Variants in SLC25A23 observed in about 807,000 individuals in gnomAD.
The protein encoded by SLC25A23 is solute carrier family 25 member 23.
In SLC25A23, 32 loss-of-function variants were observed where a neutral mutation model predicts 53.9. The observed-to-expected ratio is 0.59, with a 90% CI of 0.45 to 0.80. SLC25A23 has a LOEUF of 0.80. Among genes scored for constraint, SLC25A23 ranks in the 30% least tolerant of loss-of-function variants. SLC25A23 has a pLI of 0.00. For missense variants in SLC25A23, 575 were observed against 651.4 expected, an observed-to-expected ratio of 0.88 and a Z score of 1.28; for synonymous variants, 275 against 264.5, an observed-to-expected ratio of 1.04 and a Z score of -0.38.
In SLC25A23 at chr19:6,444,328, G is replaced by A. The variant is rs747531091; in HGVS notation, c.1072-27C>T. The A allele has an allele frequency of 4.4e-6, 4 of 914,066 alleles. No individual in the cohort carries two copies. The Admixed American group carries it at 7.7e-5, about 17-fold the overall frequency. 56.6% of individuals were successfully genotyped at this position (914,066 alleles called of 1,614,324 possible). A position where few individuals can be genotyped will look rare whatever the true frequency, so the allele number is the denominator to read the frequency against. ...TGGAGTGGAGAAGGGAGTAGGGAGG[G>A]TTGGGGTGGGTGACCCTAGGACCCT... On this transcript the variant is annotated intron_variant, in intron 8 of 9. Coordinates refer to ENST00000301454, the MANE Select transcript of SLC25A23 (RefSeq NM_024103.3).
rs374703723 is a variant in SLC25A23 at position 6,442,075 on chromosome 19, C to T, written c.1307G>A (p.Arg436Gln). Residue 436 changes from arginine to glutamine, a missense_variant, in exon 10 of 10, where the codon CGG becomes CAG. Arg to Gln is a conservative substitution (Grantham distance 43, BLOSUM62 1). Transcript: ENST00000301454. ...LSQEGMRGLY[R>Q]GIAPNFMKVI... ...CTTCATGAAGTTGGGGGCGATCCCCCGGTAGAGGCCCCGCATGCCCTCCTG... is the reference window on the plus strand; with the variant it reads ...CTTCATGAAGTTGGGGGCGATCCCCTGGTAGAGGCCCCGCATGCCCTCCTG... 2.1e-5 allele frequency: 33 copies of T among 1,576,688 alleles called. No individual in the cohort carries two copies. The highest frequency in any genetic ancestry group is 2.5e-5 in the Non-Finnish European group (29 of 1,157,526).
rs764141860 is a variant in SLC25A23, at chr19:6,452,360, G to A, written c.1023C>T (p.Asn341=). 2.5e-6 allele frequency: 4 copies of A among 1,613,624 alleles called. No individual in the cohort carries two copies. Among genetic ancestry groups the A allele is most frequent in the African/African-American group, 1.3e-5 (1 of 74,906 alleles). ...CCGCATAGGGGATGATGCCCAGCAC[G>A]TTGGGGAGGTAGCCGCGGTAGAAGG... ...PRAFYRGYLP[N]VLGIIPYAGI... is the part of the protein sequence containing the mutation. The change falls in exon 8 of 10, where the codon AAC becomes AAT. Residue 341 remains asparagine, a synonymous_variant. Coordinates refer to ENST00000301454, the MANE Select transcript of SLC25A23 (RefSeq NM_024103.3).
chr19:6,447,710 G>A (rs752756704), intron 8 of SLC25A23, among the ~76,000 whole-genome samples: 4 of 149,730 alleles, frequency 2.7e-5, no homozygotes, highest in Non-Finnish European at 5.9e-5. Flanking sequence ...TCGTTCTGTC[G>A]CCCAGGCTGG....
At chr19:6,437,462 A>C (rs887957253), downstream of SLC25A23, among the ~76,000 whole-genome samples, 1 of 152,186 alleles carries the variant, frequency 6.6e-6, no homozygotes, top group Non-Finnish European at 1.5e-5. Flanking sequence ...AATTAAAATG[A>C]GGTTACACTG....
At chr19:6,436,529 C>T (rs2092319507), downstream of SLC25A23, 2 of 427,770 alleles carry the variant, frequency 4.7e-6, no homozygotes, top group Non-Finnish European at 9.2e-6. Flanking sequence ...AACCAATAAC[C>T]AGGATGGCAG....
rs1231431979 is a variant in SLC25A23, at chr19:6,441,964, C to T, written c.*11G>A. Reference sequence around the variant, plus strand: ...GGGGGTGAGGGATTGGGGGGACGGGCTCCGGGTCCCTCACCTGGACGTGAC... The same window carrying T: ...GGGGGTGAGGGATTGGGGGGACGGGTTCCGGGTCCCTCACCTGGACGTGAC... On this transcript the variant is annotated 3_prime_UTR_variant, in exon 10 of 10. Coordinates refer to ENST00000301454, the MANE Select transcript of SLC25A23 (RefSeq NM_024103.3). The T allele has an allele frequency of 1.2e-6, 2 of 1,612,796 alleles. No homozygotes were observed. Among genetic ancestry groups the T allele is most frequent in the Admixed American group, 3.3e-5 (2 of 59,958 alleles).
intron 8 of SLC25A23, among the ~76,000 whole-genome samples, chr19:6,451,544 G>C (rs1052239104): frequency 6.6e-6 from 1 of 152,170 alleles, no homozygotes; most frequent in South Asian, 2.1e-4. Flanking sequence ...ATTTTGGGGG[G>C]AACGCTTGGG....
At position 6,445,145 on chromosome 19, in the gene SLC25A23, C is replaced by T. The variant is rs141479460; in HGVS notation, c.1072-844G>A. 8.1e-3 allele frequency among the ~76,000 whole-genome samples: 1,164 copies of T among 142,840 alleles called. 11 individuals carry two copies. Among genetic ancestry groups the T allele is most frequent in the Non-Finnish European group, 0.011 (705 of 65,244 alleles). The allele number at this position is 142,840 out of a possible 152,430, so 93.7% of individuals were successfully genotyped here. ...TTTTTCAGAGACGGAGTTTCGTTCT[C>T]GTTGCCCAGGCAGGAGTGCAATGGT... On this transcript the variant is annotated intron_variant, in intron 8 of 9. Coordinates refer to ENST00000301454, the MANE Select transcript of SLC25A23 (RefSeq NM_024103.3).
chr19:6,441,201 TA>T lies in SLC25A23; in HGVS notation c.*773del, dbSNP rs201786094. On this transcript the variant is annotated 3_prime_UTR_variant, in exon 10 of 10. Coordinates refer to ENST00000301454, the MANE Select transcript of SLC25A23 (RefSeq NM_024103.3). The stretch of plus-strand genomic sequence containing the variant: ...AGGATCTGAGACCCAGTGTCGAGGT[TA>T]AAAAAAAACAAAAAACCAAAAACCA... 1.3e-5 allele frequency: 2 copies of T among 150,282 alleles called. No individual in the cohort carries two copies. Among genetic ancestry groups the T allele is most frequent in the Non-Finnish European group, 3.0e-5 (2 of 67,484 alleles). 9.3% of individuals were successfully genotyped at this position (150,282 alleles called of 1,614,324 possible). A position where few individuals can be genotyped will look rare whatever the true frequency, so the allele number is the denominator to read the frequency against.
chr19:6,459,697 C>T lies in SLC25A23; in HGVS notation c.-69G>A, dbSNP rs933988593. ...CAGTGGGGGCTTCGCGGCTCCCCCT[C>T]CCCCCCCGGGACCCCGCAGGGTCAG... On this transcript the variant is annotated 5_prime_UTR_variant, in exon 1 of 10. Coordinates refer to ENST00000301454, the MANE Select transcript of SLC25A23 (RefSeq NM_024103.3). The surrounding 1 kb of genome is among the most constrained non-coding windows in gnomAD (Gnocchi z 4.6). The T allele has an allele frequency of 7.9e-6, 9 of 1,135,540 alleles. No homozygotes were observed. In the East Asian group the frequency reaches 1.1e-4, roughly 14 times the overall value. 70.3% of individuals were successfully genotyped at this position (1,135,540 alleles called of 1,614,324 possible). A position where few individuals can be genotyped will look rare whatever the true frequency, so the allele number is the denominator to read the frequency against.
chr19:6,441,916 C>T lies in SLC25A23; in HGVS notation c.*59G>A. On this transcript the variant is annotated 3_prime_UTR_variant, in exon 10 of 10. Transcript: ENST00000301454. ...AGTAGGGATCCTGTGGTTGGATCAT[C>T]AGTCTCCAGTGGCTGAGGTGTGGGG... 1.3e-6 allele frequency: 2 copies of T among 1,517,348 alleles called. No homozygotes were observed. The highest frequency in any genetic ancestry group is 1.8e-6 in the Non-Finnish European group (2 of 1,101,388). The allele number at this position is 1,517,348 out of a possible 1,614,324, so 94.0% of individuals were successfully genotyped here.
intron 4 of SLC25A23, chr19:6,456,203 G>T: frequency 1.7e-6 from 2 of 1,183,532 alleles, no homozygotes; most frequent in Non-Finnish European, 2.3e-6. Flanking sequence ...AGTCTCAAGG[G>T]CTGCGCTTCA....
chr19:6,445,262 T>C (rs2092486540), intron 8 of SLC25A23, among the ~76,000 whole-genome samples: 1 of 152,102 alleles, frequency 6.6e-6, no homozygotes, highest in South Asian at 2.1e-4. Flanking sequence ...GCGTGTGCCA[T>C]CACGCCCAGC....
rs1332093505 is a variant in SLC25A23, at chr19:6,456,494, C to G, written c.409G>C (p.Glu137Gln). ...TGCAACAGGAAGTGGTCGCGCCATT[C>G]TTGCCAGTCAATGGTCATTGTGCCG... ...RDGTMTIDWQ[E>Q]WRDHFLLHSL... The change falls in exon 4 of 10, where the codon GAA becomes CAA. Residue 137 changes from glutamate to glutamine, a missense_variant. Physicochemically the swap from Glu to Gln is conservative, Grantham distance 29. Transcript: ENST00000301454. The G allele has an allele frequency of 4.3e-6, 7 of 1,613,778 alleles. No individual in the cohort carries two copies. In the South Asian group the frequency reaches 6.6e-5, roughly 15 times the overall value.
Position 6,454,702 on chromosome 19 carries a change from C to G in SLC25A23, c.499G>C (p.Glu167Gln). The stretch of plus-strand genomic sequence containing the variant: ...AACTCGTCCGGCACTGTCAGGCACT[C>G]GCCAATGTCCAGGACCTAAAGATAC... ...WKHSTVLDIG[E>Q]CLTVPDEFSK... The change falls in exon 5 of 10, where the codon GAG (glutamate) becomes CAG (glutamine). Residue 167 changes from glutamate (E) to glutamine (Q), a missense_variant. Glu to Gln is a conservative substitution (Grantham distance 29, BLOSUM62 2). Coordinates refer to ENST00000301454, the MANE Select transcript of SLC25A23 (RefSeq NM_024103.3). The surrounding 1 kb of genome is among the most constrained non-coding windows in gnomAD (Gnocchi z 4.3). 1 of 1,613,954 alleles carries G rather than the reference C, an allele frequency of 6.2e-7. No individual in the cohort carries two copies. The highest frequency in any genetic ancestry group is 8.5e-7 in the Non-Finnish European group (1 of 1,180,002).
chr19:6,454,233 A>G lies in SLC25A23; in HGVS notation c.795+90T>C. The G allele has an allele frequency of 6.5e-7, 1 of 1,538,442 alleles. No individual in the cohort carries two copies. The highest frequency in any genetic ancestry group is 8.8e-7 in the Non-Finnish European group (1 of 1,137,208). Reference sequence around the variant, plus strand: ...TGCCTGATCCTGGGGACCTGTGTTCACCACCCACCCCCAAGCCAATCCCGT... The same window carrying G: ...TGCCTGATCCTGGGGACCTGTGTTCGCCACCCACCCCCAAGCCAATCCCGT... On this transcript the variant is annotated intron_variant, in intron 6 of 9. Coordinates refer to ENST00000301454, the MANE Select transcript of SLC25A23 (RefSeq NM_024103.3). The surrounding 1 kb of genome is among the most constrained non-coding windows in gnomAD (Gnocchi z 4.3).
At position 6,441,494 on chromosome 19, in the gene SLC25A23, G is replaced by A. The variant is rs921847239; in HGVS notation, c.*481C>T. The A allele has an allele frequency of 1.8e-5, 3 of 167,274 alleles. No homozygotes were observed. Among genetic ancestry groups the A allele is most frequent in the Non-Finnish European group, 2.6e-5 (2 of 76,062 alleles). The allele number at this position is 167,274 out of a possible 1,614,324, so 10.4% of individuals were successfully genotyped here. On this transcript the variant is annotated 3_prime_UTR_variant, in exon 10 of 10. Coordinates refer to ENST00000301454, the MANE Select transcript of SLC25A23 (RefSeq NM_024103.3). ...CAGGGAATCCGTGCTCCTGTGGTTG[G>A]GGTGTTGGGATCCATTCACTGATTT...
intron 7 of SLC25A23, among the ~76,000 whole-genome samples, chr19:6,453,239 GTTTTTTTTTT>G (rs34113509): frequency 8.0e-6 from 1 of 125,018 alleles, no homozygotes; most frequent in Non-Finnish European, 1.6e-5. Flanking sequence ...TGTGATTGAA[GTTTTTTTTTT>G]TTTTTTTTTG....
chr19:6,446,185 G>A (rs997038289), intron 8 of SLC25A23, among the ~76,000 whole-genome samples: 1 of 152,072 alleles, frequency 6.6e-6, no homozygotes, highest in Non-Finnish European at 1.5e-5. Flanking sequence ...CCAATATGGC[G>A]AAACTCCATC....
Sources: allele counts gnomAD v4.1 joint callset (sites outside exome capture counted in the v4.1 genomes callset), GRCh38; gene constraint gnomAD v4.1.1; non-coding constraint Gnocchi (gnomAD v3.1); transcripts MANE v1.5; gene names NCBI Gene and HGNC (gene_info 2026-07-23, HGNC 2026-07-21).